TRPM3: variants seen among roughly 807,000 people sequenced by gnomAD.
The protein encoded by TRPM3 is transient receptor potential cation channel subfamily M member 3, also known as long transient receptor potential channel 3.
TRPM3 carries 77 observed loss-of-function variants against 181.2 expected under a neutral mutation model. That is an observed-to-expected ratio of 0.42 (90% CI 0.35 to 0.51). The LOEUF is 0.51. TRPM3 is among the 20% of genes least tolerant of loss of function. The pLI is 0.01. For synonymous variants in TRPM3, 745 were observed against 796.4 expected (o/e 0.94, Z 1.09); for missense variants, 1,759 against 2,196.7 (o/e 0.80, Z 3.98).
chr9:71,283,979 C>A (rs529168735), intron 1 of TRPM3, among the ~76,000 whole-genome samples: 5 of 152,310 alleles, frequency 3.3e-5, no homozygotes, highest in African/African-American at 1.2e-4. Flanking sequence ...GGAATTCTGA[C>A]AGTTAGACAA....
intron 1 of TRPM3, among the ~76,000 whole-genome samples, chr9:71,366,006 G>A (rs1342761461): frequency 6.6e-6 from 1 of 152,114 alleles, no homozygotes; most frequent in Non-Finnish European, 1.5e-5. Flanking sequence ...AGGTAGGAAT[G>A]CCTTTCTGAG....
rs780680291 is a variant in TRPM3 at position 70,618,954 on chromosome 9, G to A, written c.2271C>T (p.Arg757=). 68 of 1,613,880 alleles carry A rather than the reference G, an allele frequency of 4.2e-5. 1 individual carries two copies. The highest frequency in any genetic ancestry group is 6.7e-5 in the African/African-American group (5 of 74,950). The change falls in exon 17 of 26, where the codon CGC becomes CGT. Residue 757 remains arginine, a synonymous_variant. Coordinates refer to ENST00000677713, the MANE Select transcript of TRPM3 (RefSeq NM_001366145.2). ...CLQLAVAAKH[R]DFIAHTCSQM... ...GGCTGCACGTGTGCGCGATGAAGTCGCGGTGTTTGGCAGCCACGGCAAGCT... is the reference window on the plus strand; with the variant it reads ...GGCTGCACGTGTGCGCGATGAAGTCACGGTGTTTGGCAGCCACGGCAAGCT...
At chr9:70,872,847 C>T (rs867870592) in intron 1 of TRPM3, among the ~76,000 whole-genome samples, 1 of 151,948 alleles carries the variant, frequency 6.6e-6, no homozygotes, top group Non-Finnish European at 1.5e-5. Flanking sequence ...ATTAATTCTT[C>T]ATTGGAAAAT....
At chr9:70,944,122 A>G (rs2096911084) in intron 1 of TRPM3, among the ~76,000 whole-genome samples, 1 of 152,178 alleles carries the variant, frequency 6.6e-6, no homozygotes, top group Non-Finnish European at 1.5e-5. Flanking sequence ...ATAGGGTTAT[A>G]CAAGTGACAG....
chr9:70,946,361 A>G (rs574440438), intron 1 of TRPM3, among the ~76,000 whole-genome samples: 7 of 151,968 alleles, frequency 4.6e-5, no homozygotes, highest in African/African-American at 1.7e-4. Flanking sequence ...TAAAATTCCA[A>G]CTCCAACATG....
chr9:71,182,931 G>T (rs912178623), intron 1 of TRPM3, among the ~76,000 whole-genome samples: 5 of 151,988 alleles, frequency 3.3e-5, no homozygotes, highest in Admixed American at 6.6e-5. Context: ...CAAAGTGCTG[G>T]GATTACAGGC....
intron 1 of TRPM3, among the ~76,000 whole-genome samples, chr9:71,019,176 A>G (rs151241975): frequency 6.6e-6 from 1 of 152,074 alleles, no homozygotes; most frequent in African/African-American, 2.4e-5. Flanking sequence ...AGTAAATATT[A>G]AAAGCTTTCC....
rs1185266560 is a variant in TRPM3, at chr9:71,403,077, C to T, written c.183+43576G>A. The stretch of plus-strand genomic sequence containing the variant: ...GAGGTAATGAGTGGATAAAGGCTCA[C>T]CTAGAATGGCTCCCAACTCAGACTG... On this transcript the variant is annotated intron_variant, in intron 1 of 24. Transcript: ENST00000357533. 3.9e-5 allele frequency among the ~76,000 whole-genome samples: 6 copies of T among 152,244 alleles called. 1 individual carries two copies. In the South Asian group the frequency reaches 1.0e-3, roughly 26 times the overall value.
chr9:70,675,399 G>A (rs2063798473), intron 9 of TRPM3, among the ~76,000 whole-genome samples: 1 of 152,142 alleles, frequency 6.6e-6, no homozygotes, highest in Non-Finnish European at 1.5e-5. Flanking sequence ...CCAGGCCCAT[G>A]TTATTTTTAA....
At chr9:71,216,911 T>G (rs2131828824) in intron 1 of TRPM3, among the ~76,000 whole-genome samples, 1 of 150,860 alleles carries the variant, frequency 6.6e-6, no homozygotes, top group Non-Finnish European at 1.5e-5. Context: ...GCACAAGTTT[T>G]GCACAAGCAT....
intron 9 of TRPM3, among the ~76,000 whole-genome samples, chr9:70,667,145 A>G (rs982971033): frequency 2.6e-5 from 4 of 151,306 alleles, no homozygotes; most frequent in Admixed American, 2.6e-4. Context: ...GGTCTTTCCT[A>G]TGTGTTTGGC....
chr9:71,207,801 C>G (rs2079215405), intron 1 of TRPM3, among the ~76,000 whole-genome samples: 1 of 152,122 alleles, frequency 6.6e-6, no homozygotes, highest in South Asian at 2.1e-4. Context: ...TTTGAAAACT[C>G]AATATAAAAG....
At chr9:71,156,889 C>A (rs1166817068) in intron 1 of TRPM3, among the ~76,000 whole-genome samples, 1 of 152,010 alleles carries the variant, frequency 6.6e-6, no homozygotes, top group Non-Finnish European at 1.5e-5. Flanking sequence ...TGGGCATCCT[C>A]CTGACAACTA....
At chr9:70,827,533 C>T in intron 6 of TRPM3, 1 of 189,488 alleles carries the variant, frequency 5.3e-6, no homozygotes, top group East Asian at 1.3e-4. Context: ...AACTTTTCTC[C>T]TTGGAGTACC....
chr9:70,822,182 CT>C (rs1259306042), intron 6 of TRPM3, among the ~76,000 whole-genome samples: 1 of 152,186 alleles, frequency 6.6e-6, no homozygotes, highest in Non-Finnish European at 1.5e-5. Flanking sequence ...GCTTTTCCTC[CT>C]GTTCTTCATT....
intron 1 of TRPM3, among the ~76,000 whole-genome samples, chr9:70,870,709 G>C (rs145823999): frequency 2.0e-5 from 3 of 151,946 alleles, no homozygotes; most frequent in African/African-American, 7.2e-5. Flanking sequence ...GCTTAATTAC[G>C]TAGAGAAATA....
chr9:71,161,824 A>G (rs1186785927), intron 1 of TRPM3, among the ~76,000 whole-genome samples: 1 of 152,188 alleles, frequency 6.6e-6, no homozygotes, highest in Non-Finnish European at 1.5e-5. Context: ...CTGTATAGAG[A>G]TAAGTGAAAT....
chr9:71,001,398 T>TC (rs1380231892), intron 1 of TRPM3, among the ~76,000 whole-genome samples: 1 of 152,234 alleles, frequency 6.6e-6, no homozygotes, highest in African/African-American at 2.4e-5. Flanking sequence ...GCATGTTTGT[T>TC]CTTTCTATGA....
At position 70,983,897 on chromosome 9, in the gene TRPM3, G is replaced by A. The variant is rs530856909; in HGVS notation, c.178-119386C>T. 3.3e-5 allele frequency among the ~76,000 whole-genome samples: 5 copies of A among 152,266 alleles called. No individual in the cohort carries two copies. The South Asian group carries it at 1.0e-3, about 32-fold the overall frequency. ...GCCAGAGACAGTAGTTTGACTTCCT[G>A]GACTGGTTACTCTACATAGCAGGTT... is the stretch of plus-strand genomic sequence containing the variant. On this transcript the variant is annotated intron_variant, in intron 1 of 25. Coordinates refer to ENST00000677713, the MANE Select transcript of TRPM3 (RefSeq NM_001366145.2).
Sources: gnomAD v4.1 joint callset for allele counts (sites outside exome capture counted in the v4.1 genomes callset) on GRCh38, gnomAD v4.1.1 for gene constraint, MANE v1.5 for transcripts, NCBI Gene and HGNC (gene_info 2026-07-23, HGNC 2026-07-21) for gene names.